The following SH3RF3 variants were observed in gnomAD, a reference collection of about 807,000 sequenced individuals.
SH3RF3 encodes SH3 domain containing ring finger 3.
Under a neutral mutation model 66.3 loss-of-function variants are expected in SH3RF3, and 29 were observed. That is an observed-to-expected ratio of 0.44 (90% CI 0.33 to 0.60). SH3RF3 has a LOEUF of 0.60. SH3RF3 is among the 20% of genes least tolerant of loss of function. The pLI is 0.04. For synonymous variants in SH3RF3, 583 were observed against 532.0 expected (o/e 1.10, Z -1.32); for missense variants, 1,194 against 1,190.9 (o/e 1.00, Z -0.04).
At chr2:109,275,718 G>T (rs1376589709) in intron 1 of SH3RF3, among the ~76,000 whole-genome samples, 1 of 152,204 alleles carries the variant, frequency 6.6e-6, no homozygotes, top group Non-Finnish European at 1.5e-5. Context: ...TCATCTCGCT[G>T]TTTGCCGGGT....
At chr2:109,318,785 C>T (rs1007961598) in intron 1 of SH3RF3, among the ~76,000 whole-genome samples, 1 of 152,216 alleles carries the variant, frequency 6.6e-6, no homozygotes, top group African/African-American at 2.4e-5. Context: ...GAAAGCCCAG[C>T]CCTGACGAGC....
At chr2:109,380,644 G>A (rs924511521) in intron 3 of SH3RF3, among the ~76,000 whole-genome samples, 2 of 152,202 alleles carry the variant, frequency 1.3e-5, no homozygotes, top group Non-Finnish European at 2.9e-5. Context: ...CAGCCTGAGT[G>A]GCTCAGTCAT....
chr2:109,220,861 A>G (rs1163689851), intron 1 of SH3RF3, among the ~76,000 whole-genome samples: 1 of 152,246 alleles, frequency 6.6e-6, no homozygotes, highest in Admixed American at 6.5e-5. Flanking sequence ...TGAACATGCA[A>G]TTACTGTATA....
chr2:109,204,685 G>A (rs1458630895), intron 1 of SH3RF3, among the ~76,000 whole-genome samples: 4 of 152,222 alleles, frequency 2.6e-5, no homozygotes, highest in Non-Finnish European at 4.4e-5. Context: ...CCCCATTGGA[G>A]AACTGTTCTA....
chr2:109,350,390 A>G (rs1682813961), intron 2 of SH3RF3, among the ~76,000 whole-genome samples: 2 of 152,006 alleles, frequency 1.3e-5, no homozygotes, highest in African/African-American at 4.8e-5. Flanking sequence ...TTGTTCAAGG[A>G]CTTTCTTTAC....
chr2:109,349,639 A>C (rs562251375), intron 2 of SH3RF3, among the ~76,000 whole-genome samples: 39 of 152,190 alleles, frequency 2.6e-4, no homozygotes, highest in Non-Finnish European at 4.6e-4. Context: ...AGGCTTCTCC[A>C]GGCTTGGCGG....
intron 2 of SH3RF3, among the ~76,000 whole-genome samples, chr2:109,360,200 C>T (rs1276884619): frequency 2.6e-5 from 4 of 152,110 alleles, no homozygotes; most frequent in Non-Finnish European, 4.4e-5. Context: ...GCTACTGTGC[C>T]GCTTAGTTAC....
At chr2:109,415,479 T>C (rs1265065175) in intron 4 of SH3RF3, among the ~76,000 whole-genome samples, 3 of 152,124 alleles carry the variant, frequency 2.0e-5, no homozygotes, top group Non-Finnish European at 4.4e-5. Flanking sequence ...CAGTCGCGGC[T>C]GCTATTCCTA....
intron 5 of SH3RF3, among the ~76,000 whole-genome samples, chr2:109,422,557 G>A (rs1676910487): frequency 6.6e-6 from 1 of 152,232 alleles, no homozygotes; most frequent in Non-Finnish European, 1.5e-5. Context: ...AGGCGACTGT[G>A]AGTCTGCAGA....
At chr2:109,391,601 G>A (rs931926913) in intron 3 of SH3RF3, among the ~76,000 whole-genome samples, 15 of 152,328 alleles carry the variant, frequency 9.8e-5, no homozygotes, top group African/African-American at 3.6e-4. Flanking sequence ...GCTTGTGGCC[G>A]GGCAGGGAGC....
intron 7 of SH3RF3, among the ~76,000 whole-genome samples, chr2:109,437,555 A>G (rs1187056209): frequency 6.6e-6 from 1 of 152,152 alleles, no homozygotes; most frequent in Non-Finnish European, 1.5e-5. Context: ...TGGGCCGGCC[A>G]CGTGGGTCTT....
intron 1 of SH3RF3, among the ~76,000 whole-genome samples, chr2:109,306,879 A>G (rs1681609668): frequency 2.6e-5 from 4 of 152,208 alleles, no homozygotes; most frequent in African/African-American, 7.2e-5. Flanking sequence ...GCTTGGTTCA[A>G]CGGGTGTGCG....
chr2:109,412,821 G>C (rs911829289), intron 4 of SH3RF3, among the ~76,000 whole-genome samples: 1 of 152,210 alleles, frequency 6.6e-6, no homozygotes, highest in African/African-American at 2.4e-5. Context: ...GTTATGGTTT[G>C]GTATGTAAGT....
At chr2:109,362,052 C>G (rs34163577) in intron 2 of SH3RF3, among the ~76,000 whole-genome samples, 42,488 of 151,690 alleles carry the variant, frequency 0.28, 6,878 homozygotes, top group Non-Finnish European at 0.37. Context: ...TGATTTTTCT[C>G]TATTGTTTTC....
At chr2:109,343,058 C>T (rs1046547043) in intron 1 of SH3RF3, among the ~76,000 whole-genome samples, 6 of 152,166 alleles carry the variant, frequency 3.9e-5, no homozygotes, top group Non-Finnish European at 4.4e-5. Flanking sequence ...CTTCCAAACA[C>T]GTCTGTGGGC....
intron 5 of SH3RF3, among the ~76,000 whole-genome samples, chr2:109,426,200 C>T (rs371605972): frequency 2.4e-3 from 366 of 152,336 alleles, no homozygotes; most frequent in South Asian, 4.1e-3. Context: ...TGAGCCACTG[C>T]GCCCGGCCAA....
rs114140042 is a variant in SH3RF3 at position 109,360,805 on chromosome 2, T to G, written c.850-10781T>G. Among the ~76,000 whole-genome samples, 972 of 152,364 alleles carry G rather than the reference T, an allele frequency of 6.4e-3. 7 individuals carry two copies. The highest frequency in any genetic ancestry group is 0.021 in the African/African-American group (893 of 41,596). On this transcript the variant is annotated intron_variant, in intron 2 of 9. Coordinates refer to ENST00000309415, the MANE Select transcript of SH3RF3 (RefSeq NM_001099289.3). Reference sequence around the variant, plus strand: ...TCTTCCCTCCCAATCTGTACACTTTTAATTTCCTTTTCTTGTCTTATTGTA... The same window carrying G: ...TCTTCCCTCCCAATCTGTACACTTTGAATTTCCTTTTCTTGTCTTATTGTA...
At chr2:109,439,186 C>T (rs1346988336) in intron 7 of SH3RF3, among the ~76,000 whole-genome samples, 2 of 152,156 alleles carry the variant, frequency 1.3e-5, no homozygotes, top group Non-Finnish European at 2.9e-5. Flanking sequence ...TGTCTCAGTC[C>T]TCCATCACCA....
intron 1 of SH3RF3, among the ~76,000 whole-genome samples, chr2:109,227,870 G>A (rs934303513): frequency 3.9e-5 from 6 of 152,294 alleles, no homozygotes; most frequent in Middle Eastern, 3.4e-3. Flanking sequence ...GCCTTTCATC[G>A]GTTTGTCTGC....
Sources: allele counts gnomAD v4.1 joint callset (sites outside exome capture counted in the v4.1 genomes callset), GRCh38; gene constraint gnomAD v4.1.1; transcripts MANE v1.5; gene names NCBI Gene and HGNC (gene_info 2026-07-23, HGNC 2026-07-21).